XPC: variants seen among roughly 807,000 people sequenced by gnomAD.
The protein encoded by XPC is XPC complex subunit, DNA damage recognition and repair factor, also known as DNA repair protein complementing XP-C cells.
A neutral mutation model predicts 95.8 loss-of-function variants in XPC; 76 were observed. The ratio of observed to expected loss-of-function variants is 0.79; its 90% CI spans 0.66 to 0.96. XPC has a LOEUF of 0.96. Ranked by LOEUF, XPC falls within the 40% of genes least tolerant of loss-of-function variation. The probability of loss-of-function intolerance (pLI) is 0.00; values close to 1 mark genes in which losing one functional copy is unlikely to be tolerated. For synonymous variants in XPC, 442 were observed against 442.1 expected, an observed-to-expected ratio of 1.00 and a Z score of 0.00; for missense variants, 1,146 against 1,179.8, an observed-to-expected ratio of 0.97 and a Z score of 0.42.
At position 14,164,937 on chromosome 3, in the gene XPC, G is replaced by A. The variant is rs1696314801; in HGVS notation, c.780-4C>T. On this transcript the variant is annotated splice_region_variant and splice_polypyrimidine_tract_variant and intron_variant, in intron 6 of 15. Transcript: ENST00000285021. Reference sequence around the variant, plus strand: ...AACTGTAAATGTTCCAATGAACCTGGGGAGAAAGCAGGCATTCCTTGTGTC... The same window carrying A: ...AACTGTAAATGTTCCAATGAACCTGAGGAGAAAGCAGGCATTCCTTGTGTC... The A allele has an allele frequency of 6.2e-7, 1 of 1,605,180 alleles. No homozygotes were observed. Among genetic ancestry groups the A allele is most frequent in the African/African-American group, 1.3e-5 (1 of 74,404 alleles).
Position 14,148,612 on chromosome 3 carries a change from A to G in XPC, c.2370T>C (p.Cys790=). 6.2e-7 allele frequency: 1 copy of G among 1,614,052 alleles called. No individual in the cohort carries two copies. Among genetic ancestry groups the G allele is most frequent in the Admixed American group, 1.7e-5 (1 of 60,022 alleles). The stretch of plus-strand genomic sequence containing the variant: ...AATCAAAGCCAGTGATGGCCTGGAC[A>G]CAGTCGATGTCCAGCTTGCGGGCCA... ...HRVARKLDID[C]VQAITGFDFH... Residue 790 remains cysteine, a synonymous_variant, in exon 13 of 16, where the codon TGT becomes TGC. Coordinates refer to ENST00000285021, the MANE Select transcript of XPC (RefSeq NM_004628.5).
At chr3:14,152,449 C>G in intron 10 of XPC, 33 bp from the exon 11 acceptor site, 3 of 1,584,638 alleles carry the variant, frequency 1.9e-6, no homozygotes, top group Non-Finnish European at 2.6e-6. Context: ...AAAGGTAACT[C>G]AGTCCACAGC....
At chr3:14,160,317 C>T (rs1388726304) in intron 7 of XPC, among the ~76,000 whole-genome samples, 3 of 152,174 alleles carry the variant, frequency 2.0e-5, no homozygotes, top group Non-Finnish European at 2.9e-5. Context: ...CAGGTCTGTT[C>T]CCTGTTTTCC....
At chr3:14,174,525 AAGGT>A (rs1696735685) in intron 1 of XPC, among the ~76,000 whole-genome samples, 1 of 152,246 alleles carries the variant, frequency 6.6e-6, no homozygotes, top group Non-Finnish European at 1.5e-5. Context: ...TTTGAAGAGA[AAGGT>A]AGAGGAGTTA....
rs371576722 is a variant in XPC at position 14,147,985 on chromosome 3, C to T, written c.2437G>A (p.Val813Ile). The T allele has an allele frequency of 3.4e-5, 54 of 1,590,108 alleles. No homozygotes were observed. Among genetic ancestry groups the T allele is most frequent in the Middle Eastern group, 1.7e-4 (1 of 5,974 alleles). The stretch of plus-strand genomic sequence containing the variant: ...AGCACGTCTTTGAATTCCTCGCAGA[C>T]GATGTATCCATCAGTCCTGTGGGGA... ...YSHPVTDGYI[V>I]CEEFKDVLLT... is the part of the protein sequence containing the mutation. Residue 813 changes from valine to isoleucine, a missense_variant, in exon 14 of 16, where the codon GTC becomes ATC. Transcript: ENST00000285021.
chr3:14,159,604 C>T lies in XPC; in HGVS notation c.990+137G>A, dbSNP rs1280509353. 4 of 853,304 alleles carry T rather than the reference C, an allele frequency of 4.7e-6. No individual in the cohort carries two copies. The African/African-American group carries it at 6.9e-5, about 15-fold the overall frequency. 52.9% of individuals were successfully genotyped at this position (853,304 alleles called of 1,614,324 possible). ...TCACATGCCCAAGTCTTCCCTAACA[C>T]AGGGTATGTGCAAGGCTCGAAAGAA... is the stretch of plus-strand genomic sequence containing the variant. On this transcript the variant is annotated intron_variant, in intron 8 of 15. Coordinates refer to ENST00000285021, the MANE Select transcript of XPC (RefSeq NM_004628.5).
At position 14,145,443 on chromosome 3, in the gene XPC, T is replaced by A. The variant is rs1695377514; in HGVS notation, c.*498A>T. ...GCAGTGAGGGCAGCATTAGTAAGCC[T>A]GACTCAGGGGAAGGTAAGTGGCCTG... On this transcript the variant is annotated 3_prime_UTR_variant, in exon 16 of 16. Transcript: ENST00000285021. The A allele has an allele frequency of 1.4e-6, 1 of 695,306 alleles. No individual in the cohort carries two copies. The highest frequency in any genetic ancestry group is 2.6e-6 in the Non-Finnish European group (1 of 380,890). 43.1% of individuals were successfully genotyped at this position (695,306 alleles called of 1,614,324 possible).
At chr3:14,176,613 T>C (rs1448531266) in intron 1 of XPC, among the ~76,000 whole-genome samples, 1 of 152,232 alleles carries the variant, frequency 6.6e-6, no homozygotes, top group East Asian at 1.9e-4. Context: ...ACTCGTAATA[T>C]TACATATGAG....
In XPC at chr3:14,147,980, G is replaced by C. The variant is rs553152555; in HGVS notation, c.2442C>G (p.Cys814Trp). 2 of 1,592,332 alleles carry C rather than the reference G, an allele frequency of 1.3e-6. No homozygotes were observed. Among genetic ancestry groups the C allele is most frequent in the African/African-American group, 2.7e-5 (2 of 74,614 alleles). Residue 814 changes from cysteine to tryptophan, a missense_variant, in exon 14 of 16, where the codon TGC becomes TGG. Cys to Trp is a radical substitution (Grantham distance 215, BLOSUM62 -2). Transcript: ENST00000285021. ...TCAGGAGCACGTCTTTGAATTCCTC[G>C]CAGACGATGTATCCATCAGTCCTGT... ...SHPVTDGYIV[C>W]EEFKDVLLTA...
At chr3:14,166,781 G>A (rs1236525181) in intron 5 of XPC, among the ~76,000 whole-genome samples, 1 of 152,172 alleles carries the variant, frequency 6.6e-6, no homozygotes, top group Non-Finnish European at 1.5e-5. Context: ...CTTTATCCAA[G>A]TCTCTATCCC....
At chr3:14,155,205 C>T (rs1229131835) in intron 10 of XPC, among the ~76,000 whole-genome samples, 1 of 152,198 alleles carries the variant, frequency 6.6e-6, no homozygotes, top group East Asian at 1.9e-4. Flanking sequence ...GGGGGGCTGA[C>T]AAGCAGGAAG....
In XPC at chr3:14,167,198, T is replaced by A; in HGVS notation, c.592A>T (p.Asn198Tyr). The A allele has an allele frequency of 6.2e-7, 1 of 1,610,074 alleles. No individual in the cohort carries two copies. The highest frequency in any genetic ancestry group is 8.5e-7 in the Non-Finnish European group (1 of 1,178,036). ...TYLRRAMKRF[N>Y]KGVHEDTHKV... The stretch of plus-strand genomic sequence containing the variant: ...TGTGTGTCCTCATGGACCCCTTTAT[T>A]GAAACGTTTCATCGCCCTCCGAAGA... The change falls in exon 5 of 16, where the codon AAT (asparagine) becomes TAT (tyrosine). Residue 198 changes from asparagine to tyrosine, a missense_variant. Asn to Tyr is a moderately radical substitution (Grantham distance 143, BLOSUM62 -2). Transcript: ENST00000285021.
In XPC at chr3:14,173,401, T is replaced by A. The variant is rs56339032; in HGVS notation, c.104-339A>T. Among the ~76,000 whole-genome samples the A allele has an allele frequency of 4.7e-4, 72 of 152,356 alleles. 1 individual carries two copies. The East Asian group carries it at 0.01, about 22-fold the overall frequency. On this transcript the variant is annotated intron_variant, in intron 1 of 15. Coordinates refer to ENST00000285021, the MANE Select transcript of XPC (RefSeq NM_004628.5). ...AACATCCATTAATTAGCACCTTATT[T>A]ATTATCTGCCAAAATTAATTGTCTT...
At chr3:14,166,880 A>T (rs575912751) in intron 5 of XPC, among the ~76,000 whole-genome samples, 2 of 152,370 alleles carry the variant, frequency 1.3e-5, no homozygotes, top group East Asian at 3.9e-4. Flanking sequence ...TGGGATTAGA[A>T]TTAATGACAT....
intron 3 of XPC, among the ~76,000 whole-genome samples, chr3:14,169,894 G>A (rs1000549110): frequency 6.6e-5 from 10 of 152,230 alleles, no homozygotes; most frequent in Non-Finnish European, 1.2e-4. Flanking sequence ...AGGCCAGACA[G>A]AAGGAATCAG....
intron 9 of XPC, among the ~76,000 whole-genome samples, chr3:14,156,866 A>G (rs764151459): frequency 6.6e-6 from 1 of 152,204 alleles, no homozygotes; most frequent in Non-Finnish European, 1.5e-5. Context: ...CTAGAGCGTG[A>G]GCTTACCTGT....
At chr3:14,170,639 T>C (rs1696574313) in intron 2 of XPC, 89 bp from the exon 3 acceptor site, 1 of 951,814 alleles carries the variant, frequency 1.1e-6, no homozygotes, top group African/African-American at 1.6e-5. Flanking sequence ...AAACCCCTCC[T>C]ATTTATTGAG....
intron 15 of XPC, 114 bp downstream of exon 15, chr3:14,147,176 C>T: frequency 8.8e-7 from 1 of 1,136,124 alleles, no homozygotes; most frequent in Non-Finnish European, 1.3e-6. Flanking sequence ...GGTGTCCTAA[C>T]ACAAAGCTAT....
chr3:14,172,813 A>C, intron 2 of XPC, 54 bp downstream of exon 2: 1 of 1,565,746 alleles, frequency 6.4e-7, no homozygotes, highest in Non-Finnish European at 8.7e-7. Context: ...CATTATTCAC[A>C]ATTCTCTGAT....
Sources: allele counts gnomAD v4.1 joint callset (sites outside exome capture counted in the v4.1 genomes callset), GRCh38; gene constraint gnomAD v4.1.1; transcripts MANE v1.5; gene names NCBI Gene and HGNC (gene_info 2026-07-23, HGNC 2026-07-21).